Variants in SPATA17 observed in about 807,000 individuals in gnomAD.
SPATA17 encodes the protein spermatogenesis associated 17, also known as spermatogenesis-associated protein 17.
A neutral mutation model predicts 62.2 loss-of-function variants in SPATA17; 53 were observed. The ratio of observed to expected loss-of-function variants is 0.85; its 90% confidence interval spans 0.68 to 1.07. The LOEUF (loss-of-function observed/expected upper bound fraction) is 1.07. SPATA17 is among the 50% of genes least tolerant of loss of function. SPATA17 has a pLI of 0.00. For missense variants in SPATA17, 466 were observed against 425.5 expected, an observed-to-expected ratio of 1.10 and a Z score of -0.84; for synonymous variants, 146 against 146.8, an observed-to-expected ratio of 0.99 and a Z score of 0.04.
At chr1:217,795,874 CG>C (rs1397198539) in intron 8 of SPATA17, among the ~76,000 whole-genome samples, 1 of 152,038 alleles carries the variant, frequency 6.6e-6, no homozygotes, top group African/African-American at 2.4e-5. Flanking sequence ...TCGTGACTCA[CG>C]GCAGCTTTGA....
At chr1:217,850,293 C>A in intron 9 of SPATA17, 3 of 375,792 alleles carry the variant, frequency 8.0e-6, no homozygotes, top group Non-Finnish European at 1.5e-5. Context: ...ACATTTTGAA[C>A]AGGTTCAACT....
At chr1:217,778,914 T>C (rs980050825) in intron 7 of SPATA17, among the ~76,000 whole-genome samples, 38 of 152,180 alleles carry the variant, frequency 2.5e-4, no homozygotes, top group Non-Finnish European at 8.8e-5. Context: ...ATTCCCTACA[T>C]GGCTTTCTTC....
chr1:217,635,163 T>C (rs947958034), intron 1 of SPATA17, among the ~76,000 whole-genome samples: 2 of 152,202 alleles, frequency 1.3e-5, no homozygotes, highest in Admixed American at 6.5e-5. Context: ...TTCCACTGTG[T>C]TTCTATAGTG....
At chr1:217,758,115 G>C (rs1238330289) in intron 6 of SPATA17, among the ~76,000 whole-genome samples, 1 of 152,158 alleles carries the variant, frequency 6.6e-6, no homozygotes, top group African/African-American at 2.4e-5. Flanking sequence ...AGTAATAACA[G>C]CTAATATTTA....
At chr1:217,831,663 T>C (rs1462680719) in intron 9 of SPATA17, among the ~76,000 whole-genome samples, 1 of 152,200 alleles carries the variant, frequency 6.6e-6, no homozygotes, top group Non-Finnish European at 1.5e-5. Flanking sequence ...TAATTATTTT[T>C]ATTATGTATT....
chr1:217,856,038 A>G (rs961992433), intron 9 of SPATA17, among the ~76,000 whole-genome samples: 2 of 152,102 alleles, frequency 1.3e-5, no homozygotes, highest in South Asian at 4.1e-4. Flanking sequence ...AGATGGAACT[A>G]TTAAGAAGGA....
intron 5 of SPATA17, among the ~76,000 whole-genome samples, chr1:217,712,203 T>G (rs913184989): frequency 3.4e-5 from 5 of 149,148 alleles, no homozygotes; most frequent in Non-Finnish European, 7.4e-5. Flanking sequence ...CTCGGCTCAC[T>G]GCAACCTCTG....
chr1:217,683,032 A>T (rs1671124561), intron 4 of SPATA17, among the ~76,000 whole-genome samples: 1 of 151,788 alleles, frequency 6.6e-6, no homozygotes, highest in African/African-American at 2.4e-5. Flanking sequence ...TAAATAATTT[A>T]AAATAAATTA....
chr1:217,799,836 T>A (rs1455872103), intron 8 of SPATA17, among the ~76,000 whole-genome samples: 2 of 152,078 alleles, frequency 1.3e-5, no homozygotes, highest in Non-Finnish European at 2.9e-5. Flanking sequence ...CATATAGTAA[T>A]GGCTCAATAA....
At chr1:217,659,775 C>T (rs768320027) in intron 3 of SPATA17, among the ~76,000 whole-genome samples, 2 of 152,162 alleles carry the variant, frequency 1.3e-5, no homozygotes, top group Non-Finnish European at 2.9e-5. Context: ...GAGAAACAGT[C>T]ATCCTAGACT....
intron 5 of SPATA17, among the ~76,000 whole-genome samples, chr1:217,714,767 G>A (rs1671963486): frequency 6.6e-6 from 1 of 151,950 alleles, no homozygotes; most frequent in Non-Finnish European, 1.5e-5. Context: ...TTACAGGCGT[G>A]AGCCACCGCG....
chr1:217,770,993 T>TTTTTTTTTTTTTTTTTTTC (rs1673429536), intron 6 of SPATA17, among the ~76,000 whole-genome samples: 1 of 129,018 alleles, frequency 7.8e-6, no homozygotes. Flanking sequence ...TTTTTTTTTT[T>TTTTTTTTTTTTTTTTTTTC]TTTTTTTTTT....
intron 6 of SPATA17, among the ~76,000 whole-genome samples, chr1:217,752,644 G>T (rs1672943225): frequency 6.6e-6 from 1 of 152,158 alleles, no homozygotes; most frequent in Admixed American, 6.5e-5. Flanking sequence ...TTTGAAAGGA[G>T]AGTCTTCCAT....
At chr1:217,729,620 A>G (rs1186097392) in intron 5 of SPATA17, among the ~76,000 whole-genome samples, 1 of 152,192 alleles carries the variant, frequency 6.6e-6, no homozygotes, top group Non-Finnish European at 1.5e-5. Flanking sequence ...TCAAGATACA[A>G]TAATTATAGT....
intron 6 of SPATA17, among the ~76,000 whole-genome samples, chr1:217,744,947 A>G (rs571079085): frequency 5.3e-5 from 8 of 152,360 alleles, no homozygotes; most frequent in Admixed American, 2.0e-4. Flanking sequence ...GTAAATGGTA[A>G]CAATCATATT....
intron 6 of SPATA17, among the ~76,000 whole-genome samples, chr1:217,749,241 T>C (rs1480605910): frequency 6.6e-6 from 1 of 152,206 alleles, no homozygotes; most frequent in Non-Finnish European, 1.5e-5. Flanking sequence ...ACATTGATTT[T>C]GTTCCTTTAT....
intron 9 of SPATA17, among the ~76,000 whole-genome samples, chr1:217,859,327 C>T (rs1675851681): frequency 6.7e-6 from 1 of 148,678 alleles, no homozygotes; most frequent in East Asian, 2.0e-4. Flanking sequence ...TTATTCTTCT[C>T]TATATATGTA....
intron 10 of SPATA17, among the ~76,000 whole-genome samples, chr1:217,863,515 C>A (rs12746566): frequency 6.6e-6 from 1 of 152,100 alleles, no homozygotes. Flanking sequence ...CAAAATACTT[C>A]TCAGTGCTGT....
chr1:217,815,568 A>G (rs1299908472), intron 9 of SPATA17, among the ~76,000 whole-genome samples: 1 of 152,186 alleles, frequency 6.6e-6, no homozygotes, highest in Non-Finnish European at 1.5e-5. Context: ...CAGTTTGACT[A>G]GGCTATAATA....
Sources: gnomAD v4.1 joint callset for allele counts (sites outside exome capture counted in the v4.1 genomes callset) on GRCh38, gnomAD v4.1.1 for gene constraint, MANE v1.5 for transcripts, NCBI Gene and HGNC (gene_info 2026-07-23, HGNC 2026-07-21) for gene names.